Variants in HOATZ observed in about 807,000 individuals in gnomAD.
The protein encoded by HOATZ is HOATZ cilia and flagella associated protein.
HOATZ carries 26 observed loss-of-function variants against 24.9 expected under a neutral mutation model. That is an observed-to-expected ratio of 1.04 (90% CI 0.76 to 1.45). The LOEUF (loss-of-function observed/expected upper bound fraction) is 1.45, where lower values mean the gene tolerates loss of function less well. Among genes scored for constraint, HOATZ ranks in the 40% most tolerant of loss-of-function variants. HOATZ has a pLI of 0.00. For synonymous variants in HOATZ, 83 were observed against 76.6 expected, an observed-to-expected ratio of 1.08 and a Z score of -0.43; for missense variants, 226 against 201.5, an observed-to-expected ratio of 1.12 and a Z score of -0.74.
intron 3 of HOATZ, among the ~76,000 whole-genome samples, chr11:111,525,532 C>G (rs1032380449): frequency 2.6e-5 from 4 of 152,170 alleles, no homozygotes; most frequent in Non-Finnish European, 5.9e-5. Flanking sequence ...AAGCTGAACT[C>G]TACAGAATGT....
At chr11:111,523,729 C>G (rs1192238307) in intron 3 of HOATZ, among the ~76,000 whole-genome samples, 2 of 152,212 alleles carry the variant, frequency 1.3e-5, no homozygotes, top group African/African-American at 4.8e-5. Context: ...CCAAGGTGTT[C>G]TGTGACATTA....
chr11:111,534,122 A>C (rs1173059928), intron 4 of HOATZ, among the ~76,000 whole-genome samples: 1 of 152,240 alleles, frequency 6.6e-6, no homozygotes, highest in Non-Finnish European at 1.5e-5. Flanking sequence ...ACAATGATTG[A>C]GCTTGCCTAG....
At chr11:111,530,921 C>G (rs1158437881) in intron 3 of HOATZ, among the ~76,000 whole-genome samples, 2 of 151,946 alleles carry the variant, frequency 1.3e-5, no homozygotes. Flanking sequence ...GTCCAGGAGG[C>G]AGAAATCAGA....
At chr11:111,532,455 A>G (rs921116838) in intron 3 of HOATZ, among the ~76,000 whole-genome samples, 4 of 152,318 alleles carry the variant, frequency 2.6e-5, no homozygotes, top group Non-Finnish European at 1.5e-5. Flanking sequence ...GAGTCCTCCT[A>G]AGACAATTGC....
chr11:111,515,390 C>G (rs560083342), intron 1 of HOATZ, 121 bp from the exon 2 acceptor site: 320 of 753,444 alleles, frequency 4.2e-4, no homozygotes, highest in Non-Finnish European at 6.9e-4. Context: ...GACCTGTGAG[C>G]CCTTAGTGAG....
chr11:111,515,022 A>G lies in HOATZ; in HGVS notation c.226+12A>G. 1 of 1,600,290 alleles carries G rather than the reference A, an allele frequency of 6.2e-7. No homozygotes were observed. Among genetic ancestry groups the G allele is most frequent in the Non-Finnish European group, 8.5e-7 (1 of 1,169,858 alleles). On this transcript the variant is annotated intron_variant, in intron 1 of 5. Coordinates refer to ENST00000375618, the MANE Select transcript of HOATZ (RefSeq NM_001100388.2). ...GAGCAGAGGGTCTGGTGAGTAGAAT[A>G]GCGGCCTCCTGTCAGTCATATCTGC...
intron 3 of HOATZ, chr11:111,519,154 T>A (rs1409386977): frequency 2.6e-6 from 1 of 380,660 alleles, no homozygotes; most frequent in Non-Finnish European, 5.2e-6. Context: ...AGAGAAATGA[T>A]TTTTTTTAAT....
At chr11:111,518,435 T>G (rs1240112109) in intron 3 of HOATZ, among the ~76,000 whole-genome samples, 5 of 152,224 alleles carry the variant, frequency 3.3e-5, no homozygotes. Context: ...AATTATTGAA[T>G]GTATATTAGG....
intron 3 of HOATZ, among the ~76,000 whole-genome samples, chr11:111,523,677 A>G (rs1867297570): frequency 6.6e-6 from 1 of 152,180 alleles, no homozygotes; most frequent in Admixed American, 6.5e-5. Flanking sequence ...AGTGCAATTC[A>G]TATTACAGCC....
chr11:111,519,617 C>A (rs1055589539), intron 3 of HOATZ, among the ~76,000 whole-genome samples: 1 of 152,092 alleles, frequency 6.6e-6, no homozygotes, highest in Non-Finnish European at 1.5e-5. Flanking sequence ...TTGCTGCCAC[C>A]ACCATTCTAG....
intron 3 of HOATZ, among the ~76,000 whole-genome samples, chr11:111,518,669 G>A (rs17662588): frequency 0.024 from 3,662 of 152,294 alleles, 80 homozygotes; most frequent in Middle Eastern, 0.085. Context: ...GCTGACTATG[G>A]CATTGTTCAA....
At chr11:111,529,526 G>A (rs1057325821) in intron 3 of HOATZ, among the ~76,000 whole-genome samples, 1 of 151,988 alleles carries the variant, frequency 6.6e-6, no homozygotes, top group African/African-American at 2.4e-5. Context: ...ACCACACCCA[G>A]CTAATTTTTG....
At chr11:111,522,852 A>G (rs1867285116) in intron 3 of HOATZ, among the ~76,000 whole-genome samples, 1 of 152,192 alleles carries the variant, frequency 6.6e-6, no homozygotes, top group African/African-American at 2.4e-5. Flanking sequence ...TGGGCAGGCC[A>G]AGGCGGGCAG....
At chr11:111,529,242 ACT>A (rs1565251723) in intron 3 of HOATZ, among the ~76,000 whole-genome samples, 1 of 152,194 alleles carries the variant, frequency 6.6e-6, no homozygotes, top group Admixed American at 6.5e-5. Context: ...TAAAAGGGTA[ACT>A]CTCAAAGGAT....
chr11:111,515,615 TA>T, intron 2 of HOATZ, 63 bp downstream of exon 2: 1 of 1,342,688 alleles, frequency 7.4e-7, no homozygotes, highest in South Asian at 1.2e-5. Flanking sequence ...AAATAGACAA[TA>T]AGTACAAGGG....
chr11:111,521,946 G>A (rs1867272984), intron 3 of HOATZ, among the ~76,000 whole-genome samples: 1 of 152,132 alleles, frequency 6.6e-6, no homozygotes, highest in Non-Finnish European at 1.5e-5. Context: ...TCAAATAGCT[G>A]AATTTGGCTA....
intron 3 of HOATZ, among the ~76,000 whole-genome samples, chr11:111,527,707 C>A (rs1216315699): frequency 6.6e-6 from 1 of 152,150 alleles, no homozygotes; most frequent in Non-Finnish European, 1.5e-5. Context: ...GTTGTAGAAT[C>A]AACATAGCAG....
chr11:111,531,060 A>G (rs1867388169), intron 3 of HOATZ, among the ~76,000 whole-genome samples: 1 of 152,224 alleles, frequency 6.6e-6, no homozygotes, highest in Non-Finnish European at 1.5e-5. Flanking sequence ...TTATTCTACT[A>G]TTATTTTTGA....
intron 3 of HOATZ, among the ~76,000 whole-genome samples, chr11:111,528,513 A>C (rs2135780240): frequency 6.6e-6 from 1 of 152,368 alleles, no homozygotes; most frequent in East Asian, 1.9e-4. Flanking sequence ...TATTTCATTT[A>C]CACTACGATC....
Sources: allele counts gnomAD v4.1 joint callset (sites outside exome capture counted in the v4.1 genomes callset), GRCh38; gene constraint gnomAD v4.1.1; transcripts MANE v1.5; gene names NCBI Gene and HGNC (gene_info 2026-07-23, HGNC 2026-07-21).